METTL15: variants seen among roughly 807,000 people sequenced by gnomAD.
METTL15 encodes the protein 12S rRNA N(4)-cytidine methyltransferase METTL15.
In METTL15, 34 loss-of-function variants were observed where a neutral mutation model predicts 38.3. The observed-to-expected ratio is 0.89, with a 90% confidence interval of 0.68 to 1.18. The LOEUF (loss-of-function observed/expected upper bound fraction) is 1.18. Ranked by LOEUF, METTL15 falls within the 50% of genes most tolerant of loss-of-function variation. The probability of loss-of-function intolerance (pLI) is 0.00; values close to 1 mark genes in which losing one functional copy is unlikely to be tolerated. For synonymous variants in METTL15, 162 were observed against 170.9 expected, an observed-to-expected ratio of 0.95 and a Z score of 0.41; for missense variants, 438 against 498.4, an observed-to-expected ratio of 0.88 and a Z score of 1.15.
intron 3 of METTL15, among the ~76,000 whole-genome samples, chr11:28,191,002 T>C (rs533139729): frequency 1.3e-5 from 2 of 151,462 alleles, no homozygotes; most frequent in East Asian, 1.9e-4. Flanking sequence ...CTAATAAGTT[T>C]GCTTGACAGC....
intron 3 of METTL15, among the ~76,000 whole-genome samples, chr11:28,202,454 T>A (rs973448884): frequency 6.6e-6 from 1 of 152,060 alleles, no homozygotes; most frequent in Admixed American, 6.6e-5. Flanking sequence ...ATTTTTTTTT[T>A]AACTAGGCTT....
chr11:28,310,319 A>ATTC (rs1857229105), intron 6 of METTL15, among the ~76,000 whole-genome samples: 1 of 151,498 alleles, frequency 6.6e-6, no homozygotes, highest in African/African-American at 2.4e-5. Context: ...GGAAAGAATG[A>ATTC]ATGTCTAGAA....
At chr11:28,318,282 G>A (rs763516651) in intron 6 of METTL15, among the ~76,000 whole-genome samples, 1 of 152,080 alleles carries the variant, frequency 6.6e-6, no homozygotes, top group African/African-American at 2.4e-5. Context: ...GGAAGTAAAG[G>A]AAAGTAAGAA....
Position 28,222,535 on chromosome 11 carries a change from C to T in METTL15, c.407+11337C>T, listed in dbSNP as rs775485033. Among the ~76,000 whole-genome samples the T allele has an allele frequency of 5.7e-4, 86 of 152,182 alleles. 1 individual carries two copies. The highest frequency in any genetic ancestry group is 9.4e-4 in the Non-Finnish European group (64 of 68,034). ...CGATGCCTCGCCCTGCTTTGGCTCA[C>T]GCTTGGTGTGCTTCATCCACTGTCC... On this transcript the variant is annotated intron_variant, in intron 4 of 6. Coordinates refer to ENST00000407364, the MANE Select transcript of METTL15 (RefSeq NM_001113528.2).
chr11:28,412,482 G>A (rs1201748790), intron 5 of METTL15, among the ~76,000 whole-genome samples: 1 of 151,804 alleles, frequency 6.6e-6, no homozygotes, highest in Non-Finnish European at 1.5e-5. Context: ...CTGTTATGGT[G>A]ATATATAATT....
intron 3 of METTL15, among the ~76,000 whole-genome samples, chr11:28,173,681 C>T (rs991688991): frequency 1.3e-5 from 2 of 152,140 alleles, no homozygotes; most frequent in Non-Finnish European, 2.9e-5. Context: ...TTAGCTTTTA[C>T]CTAATGTTCT....
intron 3 of METTL15, among the ~76,000 whole-genome samples, chr11:28,187,095 T>C (rs1473570560): frequency 6.6e-6 from 1 of 151,304 alleles, no homozygotes; most frequent in Non-Finnish European, 1.5e-5. Context: ...AAGTAAATAA[T>C]AGAAAGCTTC....
At chr11:28,303,894 A>G (rs1458834724) in intron 6 of METTL15, among the ~76,000 whole-genome samples, 2 of 152,116 alleles carry the variant, frequency 1.3e-5, no homozygotes, top group East Asian at 3.9e-4. Context: ...TGGAATCAAA[A>G]ATTCTCAAGT....
At chr11:28,294,160 T>G (rs1356886092) in intron 5 of METTL15, among the ~76,000 whole-genome samples, 1 of 152,224 alleles carries the variant, frequency 6.6e-6, no homozygotes, top group Non-Finnish European at 1.5e-5. Flanking sequence ...GCTTCCAGGT[T>G]TGCCCATTCA....
intron 6 of METTL15, among the ~76,000 whole-genome samples, chr11:28,432,172 A>G (rs947884538): frequency 1.3e-5 from 2 of 152,252 alleles, no homozygotes; most frequent in African/African-American, 4.8e-5. Flanking sequence ...ATAGTCTGAC[A>G]TGGACAAAAA....
intron 6 of METTL15, 22 bp from the exon 7 acceptor site, chr11:28,330,374 A>G (rs1272973007): frequency 1.2e-5 from 18 of 1,509,306 alleles, no homozygotes; most frequent in East Asian, 2.5e-5. Context: ...TTCTTTTCCT[A>G]TCTTTACAAC....
chr11:28,142,008 T>C (rs1236810266), intron 3 of METTL15, among the ~76,000 whole-genome samples: 2 of 152,240 alleles, frequency 1.3e-5, no homozygotes, highest in Non-Finnish European at 2.9e-5. Context: ...AGGTTAGAAG[T>C]GAGATGAAGT....
chr11:28,123,813 A>G (rs1391028877), intron 3 of METTL15: 2 of 1,332,388 alleles, frequency 1.5e-6, no homozygotes, highest in Non-Finnish European at 1.0e-6. Flanking sequence ...AAATTTCAAG[A>G]TAAAACTGAA....
intron 6 of METTL15, among the ~76,000 whole-genome samples, chr11:28,472,829 T>G (rs932183440): frequency 1.3e-5 from 2 of 152,180 alleles, no homozygotes; most frequent in Non-Finnish European, 2.9e-5. Flanking sequence ...CAAGAAATTC[T>G]TTGTGATGCT....
At chr11:28,205,163 A>G (rs1416737445) in intron 3 of METTL15, among the ~76,000 whole-genome samples, 2 of 151,786 alleles carry the variant, frequency 1.3e-5, no homozygotes, top group Non-Finnish European at 2.9e-5. Context: ...TGTGCAGGTT[A>G]GTTACATATG....
At chr11:28,257,986 A>G (rs1855041055) in intron 4 of METTL15, among the ~76,000 whole-genome samples, 1 of 152,170 alleles carries the variant, frequency 6.6e-6, no homozygotes, top group East Asian at 1.9e-4. Flanking sequence ...TGTATTTATT[A>G]TAGTTTTCAT....
chr11:28,323,877 C>T (rs762241723), intron 6 of METTL15, among the ~76,000 whole-genome samples: 2 of 152,176 alleles, frequency 1.3e-5, no homozygotes, highest in Non-Finnish European at 1.5e-5. Flanking sequence ...TCTAATAAGG[C>T]AGAACTTGTT....
chr11:28,119,020 G>T (rs1034574112), intron 3 of METTL15, among the ~76,000 whole-genome samples: 1 of 152,080 alleles, frequency 6.6e-6, no homozygotes, highest in African/African-American at 2.4e-5. Flanking sequence ...AACCTGTCTG[G>T]AACTGAAAAA....
chr11:28,167,727 G>T lies in METTL15; in HGVS notation c.271-43335G>T, dbSNP rs1850705652. ...CCTGTATATACTAGATTCATATCTA[G>T]TATCAATATACTAGATACGAAAAAA... On this transcript the variant is annotated intron_variant, in intron 3 of 6. Transcript: ENST00000407364. Among the ~76,000 whole-genome samples the T allele has an allele frequency of 2.7e-5, 4 of 150,576 alleles. No individual in the cohort carries two copies. In the South Asian group the frequency reaches 8.4e-4, roughly 32 times the overall value.
Sources: allele counts gnomAD v4.1 joint callset (sites outside exome capture counted in the v4.1 genomes callset), GRCh38; gene constraint gnomAD v4.1.1; transcripts MANE v1.5; gene names NCBI Gene and HGNC (gene_info 2026-07-23, HGNC 2026-07-21).